Variants in SVIL observed in about 807,000 individuals in gnomAD.
SVIL encodes supervillin.
Under a neutral mutation model 240.4 loss-of-function variants are expected in SVIL, and 101 were observed. The observed-to-expected ratio is 0.42, with a 90% confidence interval of 0.36 to 0.50. The LOEUF is 0.50. Ranked by LOEUF, SVIL falls within the 20% of genes least tolerant of loss-of-function variation. The pLI is 0.01. For missense variants in SVIL, 2,512 were observed against 2,818.7 expected (o/e 0.89, Z 2.46); for synonymous variants, 999 against 1,100.0 (o/e 0.91, Z 1.82).
intron 5 of SVIL, 32 bp from the exon 6 acceptor site, chr10:29,551,295 G>A (rs764791780): frequency 3.3e-6 from 5 of 1,536,962 alleles, no homozygotes; most frequent in Admixed American, 3.9e-5. Flanking sequence ...GAGAGGTGCA[G>A]ATTTCAAGTA....
upstream of SVIL, among the ~76,000 whole-genome samples, chr10:29,636,789 TTTTTGTTTTG>T (rs541755568): frequency 1.2e-4 from 19 of 152,148 alleles, no homozygotes; most frequent in Middle Eastern, 3.4e-3. Context: ...TTGCAAGGTT[TTTTTGTTTTG>T]TTTTGTTTTG....
chr10:29,545,181 A>G (rs1952544643), intron 6 of SVIL: 3 of 496,682 alleles, frequency 6.0e-6, no homozygotes, highest in African/African-American at 3.9e-5. Flanking sequence ...TTAGACTAAA[A>G]TCTCTCATCA....
At chr10:29,636,693 T>A (rs979739243), upstream of SVIL, among the ~76,000 whole-genome samples, 7 of 152,238 alleles carry the variant, frequency 4.6e-5, no homozygotes, top group African/African-American at 1.7e-4. Flanking sequence ...ATGATGATAA[T>A]CATGAATTGG....
chr10:29,469,783 G>A (rs533791732), intron 32 of SVIL, among the ~76,000 whole-genome samples: 35 of 152,298 alleles, frequency 2.3e-4, no homozygotes, highest in African/African-American at 7.2e-4. Context: ...GGAAGTGCCC[G>A]GAGAGTCCGA....
At chr10:29,512,163 G>A (rs931808491) in intron 17 of SVIL, among the ~76,000 whole-genome samples, 198 of 152,270 alleles carry the variant, frequency 1.3e-3, no homozygotes, top group African/African-American at 4.6e-3. Flanking sequence ...CAATACTTTC[G>A]CATATGAAAT....
At chr10:29,465,096 C>T (rs930896601) in intron 34 of SVIL, among the ~76,000 whole-genome samples, 14 of 152,168 alleles carry the variant, frequency 9.2e-5, no homozygotes, top group East Asian at 1.9e-4. Context: ...TGACAGGCTC[C>T]GGCCAATGGG....
rs773668232 is a variant in SVIL, at chr10:29,458,418, C to G, written c.6558+16G>C. On this transcript the variant is annotated intron_variant, in intron 37 of 37. Coordinates refer to ENST00000355867, the MANE Select transcript of SVIL (RefSeq NM_021738.3). ...TGTTTTACTCCCATCCCCACCCCAC[C>G]GGAAGAACCGCTTACCTCGAAGTCT... 6.3e-7 allele frequency: 1 copy of G among 1,593,360 alleles called. No individual in the cohort carries two copies. The highest frequency in any genetic ancestry group is 1.7e-5 in the Admixed American group (1 of 58,036).
chr10:29,578,758 C>G (rs1411975619), intron 1 of SVIL, among the ~76,000 whole-genome samples: 1 of 152,208 alleles, frequency 6.6e-6, no homozygotes, highest in Admixed American at 6.5e-5. Flanking sequence ...ACTATCAATA[C>G]TGCTTGAATG....
At chr10:29,553,371 G>A (rs1409596057) in intron 5 of SVIL, among the ~76,000 whole-genome samples, 17 of 152,078 alleles carry the variant, frequency 1.1e-4, no homozygotes, top group Admixed American at 1.1e-3. Context: ...CTGAGGTCAG[G>A]AGTTCGAGAC....
intron 3 of SVIL, among the ~76,000 whole-genome samples, chr10:29,654,898 A>G (rs1048657335): frequency 6.6e-5 from 10 of 152,174 alleles, no homozygotes; most frequent in African/African-American, 2.4e-4. Flanking sequence ...TTGCAGCTCC[A>G]GCAAAGACCT....
rs769165027 is a variant in SVIL at position 29,532,989 on chromosome 10, C to T, written c.1378G>A (p.Glu460Lys). The T allele has an allele frequency of 6.2e-7, 1 of 1,614,150 alleles. No individual in the cohort carries two copies. The highest frequency in any genetic ancestry group is 1.1e-5 in the South Asian group (1 of 91,074). ...EQSKKTLLALEGDGLVRSPED... is the reference protein window; with the variant it reads ...EQSKKTLLALKGDGLVRSPED... Reference sequence around the variant, plus strand: ...GGGCTTCTCACTAGCCCATCACCCTCCAAAGCCAGTAGGGTTTTCTTGCTT... The same window carrying T: ...GGGCTTCTCACTAGCCCATCACCCTTCAAAGCCAGTAGGGTTTTCTTGCTT... Residue 460 changes from glutamate (E) to lysine (K), a missense_variant, in exon 8 of 38, where the codon GAG (glutamate) becomes AAG (lysine). Physicochemically the swap from Glu to Lys is moderately conservative, Grantham distance 56 (BLOSUM62 1). This residue lies in a region of SVIL where 1,443 missense variants were observed against 1,486.6 expected (regional missense o/e 0.97). Coordinates refer to ENST00000355867, the MANE Select transcript of SVIL (RefSeq NM_021738.3).
chr10:29,557,735 G>C (rs1028869753), intron 3 of SVIL, among the ~76,000 whole-genome samples: 17 of 152,202 alleles, frequency 1.1e-4, no homozygotes, highest in African/African-American at 4.1e-4. Context: ...AGGAAAGGTA[G>C]ACTTTCCTAC....
At chr10:29,473,606 C>T (rs1945834883) in intron 30 of SVIL, 1 of 582,692 alleles carries the variant, frequency 1.7e-6, no homozygotes, top group Non-Finnish European at 3.0e-6. Context: ...TGTGGATTTC[C>T]TATTTGCAGA....
intron 1 of SVIL, among the ~76,000 whole-genome samples, chr10:29,700,584 C>T (rs1962440981): frequency 1.3e-5 from 2 of 151,268 alleles, no homozygotes; most frequent in South Asian, 4.2e-4. Context: ...CATTCTCCTG[C>T]CTCAGCCTCC....
chr10:29,534,654 G>T (rs1817970679), intron 7 of SVIL, among the ~76,000 whole-genome samples: 1 of 152,246 alleles, frequency 6.6e-6, no homozygotes, highest in African/African-American at 2.4e-5. Flanking sequence ...CTCTGGCTGT[G>T]GGGTTGGAAG....
chr10:29,723,993 T>A (rs1456756454), intron 1 of SVIL, among the ~76,000 whole-genome samples: 1 of 152,116 alleles, frequency 6.6e-6, no homozygotes, highest in African/African-American at 2.4e-5. Context: ...GGAGAAGACA[T>A]TGTGTTTAGA....
At chr10:29,542,447 A>G (rs1001740667) in intron 6 of SVIL, among the ~76,000 whole-genome samples, 1 of 152,110 alleles carries the variant, frequency 6.6e-6, no homozygotes, top group Non-Finnish European at 1.5e-5. Context: ...TCTGGAAAAA[A>G]TCCTTACGAA....
chr10:29,577,898 A>G (rs1444481207), intron 1 of SVIL, among the ~76,000 whole-genome samples: 1 of 152,210 alleles, frequency 6.6e-6, no homozygotes, highest in Non-Finnish European at 1.5e-5. Context: ...ACTATAAAAC[A>G]TCGATGAAAG....
intron 1 of SVIL, among the ~76,000 whole-genome samples, chr10:29,714,807 A>G (rs1248937564): frequency 6.6e-6 from 1 of 151,938 alleles, no homozygotes; most frequent in Non-Finnish European, 1.5e-5. Flanking sequence ...AAAATAATTA[A>G]AAATTAGCTG....
Sources: allele counts gnomAD v4.1 joint callset (sites outside exome capture counted in the v4.1 genomes callset), GRCh38; gene constraint gnomAD v4.1.1; regional missense constraint gnomAD v4.1.1; transcripts MANE v1.5; gene names NCBI Gene and HGNC (gene_info 2026-07-23, HGNC 2026-07-21).